The following CEBPZ variants were observed in gnomAD, a reference collection of about 807,000 sequenced individuals.
CEBPZ encodes the protein CCAAT/enhancer-binding protein zeta.
In CEBPZ, 78 loss-of-function variants were observed where a neutral mutation model predicts 104.5. The observed-to-expected ratio is 0.75, with a 90% confidence interval of 0.62 to 0.90. The LOEUF (loss-of-function observed/expected upper bound fraction) is 0.90, where lower values mean the gene tolerates loss of function less well. Ranked by LOEUF, CEBPZ falls within the 40% of genes least tolerant of loss-of-function variation. The pLI is 0.00. For missense variants in CEBPZ, 1,439 were observed against 1,233.5 expected (o/e 1.17, Z -2.50); for synonymous variants, 470 against 427.0 (o/e 1.10, Z -1.24).
chr2:37,231,004 C>CA (rs572188182), intron 1 of CEBPZ, among the ~76,000 whole-genome samples: 148 of 152,082 alleles, frequency 9.7e-4, no homozygotes, highest in Non-Finnish European at 1.2e-3. Flanking sequence ...TAGGATGCTC[C>CA]AAAAAAGAGG....
chr2:37,222,539 T>A lies in CEBPZ; in HGVS notation c.1906A>T (p.Ile636Phe). Residue 636 changes from isoleucine to phenylalanine, a missense_variant, in exon 4 of 16, where the codon ATT becomes TTT. Physicochemically the swap from Ile to Phe is conservative, Grantham distance 21. Transcript: ENST00000234170. Reference sequence around the variant, plus strand: ...ATGTCTTCATCATCATTTGCATCAATAAAATTTTCTTCATCATCAGACTCC... The same window carrying A: ...ATGTCTTCATCATCATTTGCATCAAAAAAATTTTCTTCATCATCAGACTCC... ...HPESDDEENF[I>F]DANDDEDMEK... The A allele has an allele frequency of 6.3e-7, 1 of 1,587,660 alleles. No homozygotes were observed. The highest frequency in any genetic ancestry group is 8.5e-7 in the Non-Finnish European group (1 of 1,173,004).
intron 13 of CEBPZ, 126 bp from the exon 14 acceptor site, chr2:37,203,134 C>A: frequency 1.7e-6 from 1 of 573,004 alleles, no homozygotes; most frequent in South Asian, 3.2e-5. Flanking sequence ...TCTTCTGGCA[C>A]CATTGGGTAG....
chr2:37,210,362 G>A (rs1249991566), intron 13 of CEBPZ: 1 of 152,084 alleles, frequency 6.6e-6, no homozygotes, highest in Non-Finnish European at 1.5e-5. Flanking sequence ...CAAAAATATG[G>A]AACCAACCTA....
intron 9 of CEBPZ, among the ~76,000 whole-genome samples, chr2:37,214,189 A>C (rs952748498): frequency 2.0e-5 from 3 of 152,212 alleles, no homozygotes; most frequent in Non-Finnish European, 2.9e-5. Context: ...ATATTTTATC[A>C]GCCCTATTCT....
In CEBPZ at chr2:37,202,820, T is replaced by C. The variant is rs1677339941; in HGVS notation, c.2989A>G (p.Ile997Val). The C allele has an allele frequency of 1.9e-6, 3 of 1,599,708 alleles. No homozygotes were observed. The highest frequency in any genetic ancestry group is 1.3e-5 in the African/African-American group (1 of 74,358). Residue 997 changes from isoleucine to valine, a missense_variant, in exon 15 of 16, where the codon ATT becomes GTT. Transcript: ENST00000234170. ...DENMGSKFDN[I>V]GMNAMANKDN... ...TTGTTAGCCATGGCATTCATGCCAA[T>C]GTTATCAAACTTGGATCCCATATTT...
rs1476687193 is a variant in CEBPZ at position 37,211,863 on chromosome 2, T to C, written c.2780A>G (p.Asp927Gly). Residue 927 changes from aspartate to glycine, a missense_variant, in exon 12 of 16, where the codon GAT becomes GGT. Coordinates refer to ENST00000234170, the MANE Select transcript of CEBPZ (RefSeq NM_005760.3). ...CTTACCTGGAACGCTCTCACTTTCA[T>C]CATCTAACACATCCATGAATGTTCC... ...DGGTFMDVLD[D>G]ESESVPELEV... 2.5e-6 allele frequency: 4 copies of C among 1,602,882 alleles called. No homozygotes were observed. The African/African-American group carries it at 4.0e-5, about 16-fold the overall frequency.
rs752583490 is a variant in CEBPZ at position 37,222,469 on chromosome 2, T to C, written c.1976A>G (p.Lys659Arg). The C allele has an allele frequency of 6.2e-7, 1 of 1,611,720 alleles. No individual in the cohort carries two copies. Among genetic ancestry groups the C allele is most frequent in the East Asian group, 2.2e-5 (1 of 44,694 alleles). Residue 659 changes from lysine (K) to arginine (R), a missense_variant, in exon 4 of 16, where the codon AAA becomes AGA. By Grantham distance (26) the Lys-to-Arg change is conservative. Transcript: ENST00000234170. ...DADKETEIVK[K>R]LETEETVPET... The stretch of plus-strand genomic sequence containing the variant: ...AGGAACTGTTTCCTCTGTCTCAAGT[T>C]TTTTCACTATCTCTGTTTCTTTGTC...
chr2:37,221,929 T>C (rs1230085744), intron 4 of CEBPZ, among the ~76,000 whole-genome samples: 1 of 152,208 alleles, frequency 6.6e-6, no homozygotes, highest in Non-Finnish European at 1.5e-5. Flanking sequence ...GGTGTGTGTA[T>C]AGAAAACCAC....
rs982736082 is a variant in CEBPZ at position 37,202,718 on chromosome 2, C to T, written c.3025+66G>A. ...GAATAAATAAAATAACGAAAATTTC[C>T]TATCTTCTGAAGTTCCAAGCCAAAG... On this transcript the variant is annotated intron_variant, in intron 15 of 15. Transcript: ENST00000234170. The T allele has an allele frequency of 1.9e-4, 101 of 532,248 alleles. No individual in the cohort carries two copies. The African/African-American group carries it at 2.1e-3, about 11-fold the overall frequency. 33.0% of individuals were successfully genotyped at this position (532,248 alleles called of 1,614,324 possible).
At chr2:37,206,139 G>C (rs1677531788) in intron 13 of CEBPZ, among the ~76,000 whole-genome samples, 1 of 152,184 alleles carries the variant, frequency 6.6e-6, no homozygotes, top group African/African-American at 2.4e-5. Context: ...CAAACATGTT[G>C]ATCTGCTGTG....
In CEBPZ at chr2:37,211,862, A is replaced by G. The variant is rs1677730255; in HGVS notation, c.2781T>C (p.Asp927=). The change falls in exon 12 of 16, where the codon GAT becomes GAC. Residue 927 remains aspartate (D), a synonymous_variant. Coordinates refer to ENST00000234170, the MANE Select transcript of CEBPZ (RefSeq NM_005760.3). Reference sequence around the variant, plus strand: ...GCTTACCTGGAACGCTCTCACTTTCATCATCTAACACATCCATGAATGTTC... The same window carrying G: ...GCTTACCTGGAACGCTCTCACTTTCGTCATCTAACACATCCATGAATGTTC... The part of the protein sequence containing the change: ...DGGTFMDVLD[D]ESESVPELEV... The G allele has an allele frequency of 1.9e-6, 3 of 1,601,990 alleles. No individual in the cohort carries two copies. The highest frequency in any genetic ancestry group is 2.6e-6 in the Non-Finnish European group (3 of 1,176,052).
At chr2:37,210,865 A>T in intron 13 of CEBPZ, 134 bp downstream of exon 13, 1 of 499,134 alleles carries the variant, frequency 2.0e-6, no homozygotes, top group African/African-American at 2.0e-5. Flanking sequence ...TTTCCACTTA[A>T]CATCTTTCTT....
rs1665110944 is a variant in CEBPZ at position 37,231,560 on chromosome 2, G to A, written c.8C>T (p.Ala3Val). 2 of 1,614,130 alleles carry A rather than the reference G, an allele frequency of 1.2e-6. No homozygotes were observed. The highest frequency in any genetic ancestry group is 3.3e-5 in the Admixed American group (2 of 60,010). The change falls in exon 1 of 16, where the codon GCA (alanine) becomes GTA (valine). Residue 3 changes from alanine to valine, a missense_variant. Coordinates refer to ENST00000234170, the MANE Select transcript of CEBPZ (RefSeq NM_005760.3). ...ATGGAACTCCAAAGGCTCCTTGACT[G>A]CGGCCATGGCGGGCAAAGCATACGC... Reference protein sequence around the residue: MAAVKEPLEFHAK... With the variant: MAVVKEPLEFHAK...
intron 13 of CEBPZ, chr2:37,208,853 C>G (rs1339999889): frequency 6.6e-6 from 1 of 152,050 alleles, no homozygotes; most frequent in Non-Finnish European, 1.5e-5. Flanking sequence ...CAAACTGTCA[C>G]TATTCACCGA....
intron 2 of CEBPZ, among the ~76,000 whole-genome samples, chr2:37,225,452 C>T (rs1339556267): frequency 6.7e-6 from 1 of 148,846 alleles, no homozygotes; most frequent in East Asian, 2.0e-4. Flanking sequence ...ACCTTACCCC[C>T]AACCCCGTGC....
rs747070355 is a variant in CEBPZ, at chr2:37,228,095, A to G, written c.1098T>C (p.Leu366=). ...TACAAAGCAGCTCATGAGCCACGGT[A>G]AGGGCTCGAGTTTTAGTGGTTACTA... ...DTLVTTKTRA[L]TVAHELLCNK... The change falls in exon 2 of 16, where the codon CTT becomes CTC. Residue 366 remains leucine, a synonymous_variant. Coordinates refer to ENST00000234170, the MANE Select transcript of CEBPZ (RefSeq NM_005760.3). 2 of 1,614,224 alleles carry G rather than the reference A, an allele frequency of 1.2e-6. No individual in the cohort carries two copies. Among genetic ancestry groups the G allele is most frequent in the South Asian group, 1.1e-5 (1 of 91,086 alleles).
Position 37,201,803 on chromosome 2 carries a change from C to T in CEBPZ, c.3126G>A (p.Arg1042=), listed in dbSNP as rs560242482. 1.9e-6 allele frequency: 3 copies of T among 1,567,112 alleles called. No homozygotes were observed. The highest frequency in any genetic ancestry group is 2.6e-6 in the Non-Finnish European group (3 of 1,137,058). ...TTTTAGTTTTTTGAGTGGTTTTAATCCTCTTCTTTTTAAAATGTTTCTTTT... is the reference window on the plus strand; with the variant it reads ...TTTTAGTTTTTTGAGTGGTTTTAATTCTCTTCTTTTTAAAATGTTTCTTTT... The part of the protein sequence containing the change: ...IKKKKHFKKK[R]IKTTQKTKKQ... The change falls in exon 16 of 16, where the codon AGG becomes AGA. Residue 1042 remains arginine, a synonymous_variant. Coordinates refer to ENST00000234170, the MANE Select transcript of CEBPZ (RefSeq NM_005760.3).
rs137931025 is a variant in CEBPZ at position 37,222,531 on chromosome 2, T to A, written c.1914A>T (p.Ala638=). 1.3e-6 allele frequency: 2 copies of A among 1,591,276 alleles called. No individual in the cohort carries two copies. The highest frequency in any genetic ancestry group is 1.7e-6 in the Non-Finnish European group (2 of 1,174,216). Residue 638 remains alanine (A), a synonymous_variant, in exon 4 of 16, where the codon GCA becomes GCT. Coordinates refer to ENST00000234170, the MANE Select transcript of CEBPZ (RefSeq NM_005760.3). The part of the protein sequence containing the change: ...ESDDEENFID[A]NDDEDMEKFT... Reference sequence around the variant, plus strand: ...ATTTTTCCATGTCTTCATCATCATTTGCATCAATAAAATTTTCTTCATCAT... The same window carrying A: ...ATTTTTCCATGTCTTCATCATCATTAGCATCAATAAAATTTTCTTCATCAT...
chr2:37,205,972 G>A (rs1677525912), intron 13 of CEBPZ, among the ~76,000 whole-genome samples: 1 of 152,212 alleles, frequency 6.6e-6, no homozygotes, highest in Non-Finnish European at 1.5e-5. Context: ...GATAACAGGT[G>A]TCTGAAAAAT....
Sources: gnomAD v4.1 joint callset for allele counts (sites outside exome capture counted in the v4.1 genomes callset) on GRCh38, gnomAD v4.1.1 for gene constraint, MANE v1.5 for transcripts, NCBI Gene and HGNC (gene_info 2026-07-23, HGNC 2026-07-21) for gene names.